Variants in FHIT observed in about 807,000 individuals in gnomAD.
FHIT encodes fragile histidine triad diadenosine triphosphatase, also known as bis(5'-adenosyl)-triphosphatase.
Under a neutral mutation model 17.9 loss-of-function variants are expected in FHIT, and 19 were observed. The observed-to-expected ratio is 1.06, with a 90% CI of 0.74 to 1.56. FHIT has a LOEUF of 1.56. Ranked by LOEUF, FHIT falls within the 40% of genes most tolerant of loss-of-function variation. The pLI is 0.00. For missense variants in FHIT, 248 were observed against 189.2 expected (o/e 1.31, Z -1.82); for synonymous variants, 81 against 69.7 (o/e 1.16, Z -0.81).
At chr3:61,139,429 G>T (rs199838757) in intron 2 of FHIT, among the ~76,000 whole-genome samples, 1 of 152,030 alleles carries the variant, frequency 6.6e-6, no homozygotes, top group African/African-American at 2.4e-5. Context: ...CAATGTGATG[G>T]AATTAGGAAG....
At chr3:60,691,473 G>A (rs2040989875) in intron 4 of FHIT, among the ~76,000 whole-genome samples, 1 of 151,530 alleles carries the variant, frequency 6.6e-6, no homozygotes, top group Non-Finnish European at 1.5e-5. Context: ...AGGCTCAGGT[G>A]ATCTACCCAC....
chr3:61,190,384 C>T (rs967224743), intron 2 of FHIT, among the ~76,000 whole-genome samples: 3 of 152,150 alleles, frequency 2.0e-5, no homozygotes, highest in African/African-American at 7.2e-5. Flanking sequence ...CAATGAGATA[C>T]CATCTCACAC....
chr3:61,097,636 T>TCTGCTACTTTTTG (rs1261743988), intron 2 of FHIT, among the ~76,000 whole-genome samples: 1 of 152,194 alleles, frequency 6.6e-6, no homozygotes, highest in African/African-American at 2.4e-5. Flanking sequence ...TTTTTAATAA[T>TCTGCTACTTTTTG]AGCCATTTTG....
intron 4 of FHIT, among the ~76,000 whole-genome samples, chr3:60,780,742 G>A (rs782556947): frequency 6.6e-5 from 10 of 152,182 alleles, no homozygotes; most frequent in Non-Finnish European, 1.2e-4. Context: ...TACCTCTTTA[G>A]AGGGAGGAAT....
At chr3:59,987,682 T>C (rs1444084333) in intron 7 of FHIT, among the ~76,000 whole-genome samples, 1 of 152,034 alleles carries the variant, frequency 6.6e-6, no homozygotes, top group African/African-American at 2.4e-5. Flanking sequence ...CACTTTTTTT[T>C]CATCAATCTG....
chr3:60,755,777 G>T (rs2042559000), intron 4 of FHIT, among the ~76,000 whole-genome samples: 1 of 152,140 alleles, frequency 6.6e-6, no homozygotes. Context: ...ATAAGTTAAG[G>T]AACAATGAGC....
chr3:60,107,910 C>G (rs1012041893), intron 5 of FHIT, among the ~76,000 whole-genome samples: 2 of 152,156 alleles, frequency 1.3e-5, no homozygotes, highest in African/African-American at 4.8e-5. Context: ...AATTTGCTTC[C>G]TTGAGGCATT....
At chr3:61,189,610 G>A (rs141521068) in intron 2 of FHIT, among the ~76,000 whole-genome samples, 1,825 of 152,240 alleles carry the variant, frequency 0.012, 42 homozygotes, top group African/African-American at 0.042. Context: ...AACCAAAAAC[G>A]ACCCCGCATC....
intron 5 of FHIT, among the ~76,000 whole-genome samples, chr3:60,068,232 C>T (rs1325134691): frequency 6.6e-6 from 1 of 151,900 alleles, no homozygotes; most frequent in African/African-American, 2.4e-5. Flanking sequence ...GAGACTCTGC[C>T]TCAAAAAAAA....
chr3:60,382,928 C>A (rs1358062444), intron 5 of FHIT, among the ~76,000 whole-genome samples: 7 of 152,188 alleles, frequency 4.6e-5, no homozygotes, highest in Non-Finnish European at 2.9e-5. Context: ...CCTTTACCTT[C>A]CACAGACCTC....
chr3:60,185,008 G>A (rs1227044927), intron 5 of FHIT, among the ~76,000 whole-genome samples: 1 of 152,038 alleles, frequency 6.6e-6, no homozygotes, highest in African/African-American at 2.4e-5. Context: ...TTACTTCTTG[G>A]CACTATAACG....
intron 5 of FHIT, among the ~76,000 whole-genome samples, chr3:60,262,245 T>C (rs1706343191): frequency 6.6e-6 from 1 of 152,052 alleles, no homozygotes; most frequent in South Asian, 2.1e-4. Flanking sequence ...GTTACAAACA[T>C]TGCTTTTAGA....
intron 5 of FHIT, among the ~76,000 whole-genome samples, chr3:60,232,969 C>G (rs1370179361): frequency 6.6e-6 from 1 of 152,094 alleles, no homozygotes; most frequent in Non-Finnish European, 1.5e-5. Context: ...TTCTGATGTT[C>G]TAGAGATCTA....
At chr3:60,272,296 G>A (rs935686409) in intron 5 of FHIT, among the ~76,000 whole-genome samples, 9 of 152,156 alleles carry the variant, frequency 5.9e-5, no homozygotes, top group African/African-American at 2.2e-4. Context: ...CAGAAGACAG[G>A]AACACAACTC....
intron 5 of FHIT, among the ~76,000 whole-genome samples, chr3:60,456,292 C>T (rs984855867): frequency 6.6e-6 from 1 of 152,198 alleles, no homozygotes; most frequent in Non-Finnish European, 1.5e-5. Context: ...ATGATGGTTA[C>T]CGACAAATCT....
At chr3:60,690,341 C>T (rs1382826102) in intron 4 of FHIT, 1 of 570,874 alleles carries the variant, frequency 1.8e-6, no homozygotes, top group African/African-American at 1.9e-5. Flanking sequence ...CCAAAGACCA[C>T]TTGCTTGCCA....
chr3:61,106,301 G>A (rs979720780), intron 2 of FHIT, among the ~76,000 whole-genome samples: 15 of 152,086 alleles, frequency 9.9e-5, no homozygotes, highest in Non-Finnish European at 5.9e-5. Flanking sequence ...GTTATGATTT[G>A]TGTGTGTGGT....
At chr3:60,424,135 T>TATTTTACTGATGAGAACACTG (rs1383384263) in intron 5 of FHIT, among the ~76,000 whole-genome samples, 10 of 152,152 alleles carry the variant, frequency 6.6e-5, no homozygotes, top group Admixed American at 6.6e-5. Flanking sequence ...TTACTACTTT[T>TATTTTACTGATGAGAACACTG]ATTTTACTGA....
intron 4 of FHIT, among the ~76,000 whole-genome samples, chr3:60,731,457 G>C (rs781974906): frequency 1.3e-5 from 2 of 152,144 alleles, no homozygotes; most frequent in Non-Finnish European, 2.9e-5. Flanking sequence ...TTTTGACTTG[G>C]GGTTTCATAT....
Sources: allele counts gnomAD v4.1 joint callset (sites outside exome capture counted in the v4.1 genomes callset), GRCh38; gene constraint gnomAD v4.1.1; transcripts MANE v1.5; gene names NCBI Gene and HGNC (gene_info 2026-07-23, HGNC 2026-07-21).